ATP8B4: variants seen among roughly 807,000 people sequenced by gnomAD.
ATP8B4 encodes ATPase phospholipid transporting 8B4 (putative), also known as probable phospholipid-transporting ATPase IM.
ATP8B4 carries 133 observed loss-of-function variants against 145.6 expected under a neutral mutation model. That is an observed-to-expected ratio of 0.91 (90% CI 0.79 to 1.05). The LOEUF is 1.05. Among genes scored for constraint, ATP8B4 ranks in the 50% least tolerant of loss-of-function variants. The pLI is 0.00. For synonymous variants in ATP8B4, 507 were observed against 492.9 expected, an observed-to-expected ratio of 1.03 and a Z score of -0.38; for missense variants, 1,458 against 1,425.2, an observed-to-expected ratio of 1.02 and a Z score of -0.37.
In ATP8B4 at chr15:49,931,099, G is replaced by T. The variant is rs1208265899; in HGVS notation, c.1642+20C>A. ...CAACAGTATGAAAAGATCAAAAATA[G>T]TCTTAGCTACCAACCATACCTATGA... On this transcript the variant is annotated intron_variant, in intron 16 of 27. Coordinates refer to ENST00000284509, the MANE Select transcript of ATP8B4 (RefSeq NM_024837.4). 1.3e-6 allele frequency: 2 copies of T among 1,591,644 alleles called. No individual in the cohort carries two copies. The highest frequency in any genetic ancestry group is 1.7e-6 in the Non-Finnish European group (2 of 1,166,200).
At chr15:50,165,250 A>G (rs539002528) in intron 1 of ATP8B4, among the ~76,000 whole-genome samples, 1 of 151,902 alleles carries the variant, frequency 6.6e-6, no homozygotes, top group Admixed American at 6.6e-5. Flanking sequence ...ATGGGGTTTT[A>G]CCCTGTTGGC....
intron 3 of ATP8B4, among the ~76,000 whole-genome samples, chr15:50,070,580 G>A (rs371118696): frequency 6.6e-6 from 1 of 152,140 alleles, no homozygotes; most frequent in African/African-American, 2.4e-5. Flanking sequence ...AGCATGGCAG[G>A]TGCTCATTTT....
intron 23 of ATP8B4, among the ~76,000 whole-genome samples, chr15:49,888,448 C>T (rs1325756922): frequency 6.6e-6 from 1 of 152,142 alleles, no homozygotes; most frequent in African/African-American, 2.4e-5. Flanking sequence ...AATACACAGC[C>T]CTGTATCTCA....
At chr15:49,934,327 T>C (rs920056653) in intron 14 of ATP8B4, 145 bp from the exon 15 acceptor site, 2 of 877,080 alleles carry the variant, frequency 2.3e-6, no homozygotes, top group Non-Finnish European at 3.4e-6. Context: ...GTTTCATCAT[T>C]ACTGTTAAAT....
intron 25 of ATP8B4, among the ~76,000 whole-genome samples, chr15:49,872,541 C>T (rs377471920): frequency 2.6e-5 from 4 of 152,136 alleles, no homozygotes; most frequent in Non-Finnish European, 5.9e-5. Context: ...AATCATGTTG[C>T]TATCATGTGC....
chr15:49,898,426 G>T (rs559050408), intron 21 of ATP8B4, among the ~76,000 whole-genome samples, 175 bp from the exon 22 acceptor site: 1 of 152,246 alleles, frequency 6.6e-6, no homozygotes, highest in Non-Finnish European at 1.5e-5. Flanking sequence ...CCAAAGAAAT[G>T]AGTATTGAAC....
intron 5 of ATP8B4, among the ~76,000 whole-genome samples, chr15:50,040,684 C>T (rs1009029448): frequency 9.2e-5 from 14 of 152,306 alleles, no homozygotes; most frequent in African/African-American, 2.2e-4. Flanking sequence ...AGCTCACTCT[C>T]GGGGAGATGC....
chr15:50,041,204 T>C (rs2051256874), intron 5 of ATP8B4, among the ~76,000 whole-genome samples: 1 of 152,160 alleles, frequency 6.6e-6, no homozygotes, highest in African/African-American at 2.4e-5. Flanking sequence ...AAAAATCAGA[T>C]AACAAGGAAA....
chr15:49,974,232 T>A (rs1599550772), intron 12 of ATP8B4, among the ~76,000 whole-genome samples: 2 of 151,604 alleles, frequency 1.3e-5, no homozygotes, highest in African/African-American at 4.8e-5. Context: ...ACAGGCATGC[T>A]CCACTATGCC....
At chr15:50,042,506 C>A (rs1282229116) in intron 5 of ATP8B4, among the ~76,000 whole-genome samples, 2 of 152,154 alleles carry the variant, frequency 1.3e-5, no homozygotes, top group South Asian at 2.1e-4. Flanking sequence ...TTCACACATC[C>A]CACCTCTGTT....
chr15:49,938,579 T>C lies in ATP8B4; in HGVS notation c.1288-4397A>G, dbSNP rs574129670. Among the ~76,000 whole-genome samples the C allele has an allele frequency of 3.9e-5, 6 of 152,216 alleles. No homozygotes were observed. In the South Asian group the frequency reaches 1.2e-3, roughly 32 times the overall value. On this transcript the variant is annotated intron_variant, in intron 14 of 27. Coordinates refer to ENST00000284509, the MANE Select transcript of ATP8B4 (RefSeq NM_024837.4). ...TTACCTATCCAAATTATATATGCAG[T>C]CAATATTGGAACACCCATATTCATA...
intron 14 of ATP8B4, among the ~76,000 whole-genome samples, chr15:49,937,888 G>T (rs929379543): frequency 2.2e-4 from 34 of 152,242 alleles, no homozygotes; most frequent in Admixed American, 2.1e-3. Flanking sequence ...TGTGGGCCAG[G>T]CAATGTTTTG....
intron 6 of ATP8B4, among the ~76,000 whole-genome samples, chr15:50,011,646 C>T (rs1442064650): frequency 6.6e-6 from 1 of 152,166 alleles, no homozygotes; most frequent in African/African-American, 2.4e-5. Context: ...AATTTGGCCC[C>T]TGATGACAAG....
At chr15:50,076,762 T>A (rs1050338905) in intron 2 of ATP8B4, among the ~76,000 whole-genome samples, 1 of 152,236 alleles carries the variant, frequency 6.6e-6, no homozygotes, top group Non-Finnish European at 1.5e-5. Flanking sequence ...CTGAACTAAG[T>A]CTTCCTGGAT....
chr15:49,962,165 T>A, intron 13 of ATP8B4, 145 bp from the exon 14 acceptor site: 1 of 600,606 alleles, frequency 1.7e-6, no homozygotes, highest in Non-Finnish European at 2.8e-6. Context: ...GTTTTAGGAG[T>A]GCTTTCAAAT....
At chr15:49,875,499 T>C (rs1041178670) in intron 25 of ATP8B4, among the ~76,000 whole-genome samples, 6 of 152,190 alleles carry the variant, frequency 3.9e-5, no homozygotes, top group African/African-American at 1.4e-4. Context: ...AGAGGTCACA[T>C]AGCTTGCTGT....
intron 1 of ATP8B4, among the ~76,000 whole-genome samples, chr15:50,114,152 CAGT>C (rs2057090347): frequency 3.1e-5 from 3 of 96,168 alleles, no homozygotes. Context: ...TATTGGGAAA[CAGT>C]TTGGTTACAT....
intron 2 of ATP8B4, among the ~76,000 whole-genome samples, chr15:50,083,581 A>C (rs1489083826): frequency 6.6e-6 from 1 of 152,216 alleles, no homozygotes; most frequent in Non-Finnish European, 1.5e-5. Flanking sequence ...ATAAAATGAG[A>C]GGAAATAACT....
chr15:49,941,739 C>T (rs2042176707), intron 14 of ATP8B4, among the ~76,000 whole-genome samples: 1 of 152,118 alleles, frequency 6.6e-6, no homozygotes, highest in Non-Finnish European at 1.5e-5. Flanking sequence ...CACCTGCACA[C>T]ATATTTTTAT....
Sources: allele counts gnomAD v4.1 joint callset (sites outside exome capture counted in the v4.1 genomes callset), GRCh38; gene constraint gnomAD v4.1.1; transcripts MANE v1.5; gene names NCBI Gene and HGNC (gene_info 2026-07-23, HGNC 2026-07-21).